MAP3K15: variants seen among roughly 807,000 people sequenced by gnomAD.
MAP3K15 encodes MAPK/ERK kinase kinase 15.
MAP3K15 carries 124 observed loss-of-function variants against 99.5 expected under a neutral mutation model. That is an observed-to-expected ratio of 1.25 (90% CI 1.08 to 1.45). The LOEUF (loss-of-function observed/expected upper bound fraction) is 1.45, where lower values mean the gene tolerates loss of function less well. Ranked by LOEUF, MAP3K15 falls within the 40% of genes most tolerant of loss-of-function variation. MAP3K15 has a pLI of 0.00. For synonymous variants in MAP3K15, 494 were observed against 439.6 expected, an observed-to-expected ratio of 1.12 and a Z score of -1.55; for missense variants, 1,242 against 1,079.7, an observed-to-expected ratio of 1.15 and a Z score of -2.11.
Position 19,369,210 on chromosome X carries a change from G to A in MAP3K15, c.3410C>T (p.Ala1137Val), listed in dbSNP as rs1346816456. Residue 1137 changes from alanine to valine, a missense_variant, in exon 25 of 29, where the codon GCC becomes GTC. Physicochemically the swap from Ala to Val is moderately conservative, Grantham distance 64. Transcript: ENST00000338883. Reference protein sequence around the residue: ...AVTILIPELRAHFEPTCETEG... With the variant: ...AVTILIPELRVHFEPTCETEG... ...AGTCTCACAGGTAGGCTCAAAGTGGGCTCGGAGCTCTGCAAATCACACAAG... is the reference window on the plus strand; with the variant it reads ...AGTCTCACAGGTAGGCTCAAAGTGGACTCGGAGCTCTGCAAATCACACAAG... 8.3e-7 allele frequency: 1 copy of A among 1,211,087 alleles called. No individual in the cohort carries two copies. Among genetic ancestry groups the A allele is most frequent in the South Asian group, 1.8e-5 (1 of 56,981 alleles).
At chrX:19,406,270 C>T (rs180823973) in intron 13 of MAP3K15, among the ~76,000 whole-genome samples, 108 of 112,445 alleles carry the variant, frequency 9.6e-4, no homozygotes, top group Admixed American at 1.9e-3. Context: ...AATACTTGCA[C>T]GTGAATGTTC....
intron 15 of MAP3K15, 140 bp from the exon 16 acceptor site, chrX:19,395,348 T>C (rs41311499): frequency 0.11 from 64,503 of 590,903 alleles, 12,526 homozygotes; most frequent in African/African-American, 0.84. Flanking sequence ...CATGAAACTA[T>C]TCAACTTCCC....
At chrX:19,393,760 C>CTTTTTTTTTTTTTTT (rs761246318) in intron 16 of MAP3K15, among the ~76,000 whole-genome samples, 4 of 60,243 alleles carry the variant, frequency 6.6e-5, no homozygotes, top group African/African-American at 2.3e-4. Context: ...CTGCCTGGCT[C>CTTTTTTTTTTTTTTT]TTTTTTTTTT....
At chrX:19,416,908 A>G (rs762153407) in intron 9 of MAP3K15, among the ~76,000 whole-genome samples, 19 of 112,091 alleles carry the variant, frequency 1.7e-4, no homozygotes, top group Admixed American at 8.5e-4. Flanking sequence ...AAAATGACAA[A>G]ATTTCAAACT....
At chrX:19,440,264 C>T (rs749228036) in intron 6 of MAP3K15, among the ~76,000 whole-genome samples, 1 of 111,958 alleles carries the variant, frequency 8.9e-6, no homozygotes, top group Non-Finnish European at 1.9e-5. Flanking sequence ...TCTTCTATCA[C>T]CTGTGTAACC....
intron 22 of MAP3K15, among the ~76,000 whole-genome samples, chrX:19,371,744 C>T (rs756211976): frequency 1.0e-3 from 115 of 111,209 alleles, no homozygotes; most frequent in Non-Finnish European, 1.9e-3. Flanking sequence ...TGAATGGCTT[C>T]CTGTTTAACC....
At chrX:19,506,583 C>T (rs764759030) in intron 1 of MAP3K15, among the ~76,000 whole-genome samples, 32 of 110,633 alleles carry the variant, frequency 2.9e-4, no homozygotes, top group Non-Finnish European at 5.7e-4. Context: ...TGCAGTAGCG[C>T]GATCTTGGCC....
chrX:19,380,021 CT>C, intron 19 of MAP3K15, 98 bp downstream of exon 19: 22 of 929,541 alleles, frequency 2.4e-5, no homozygotes, highest in Non-Finnish European at 3.0e-5. Flanking sequence ...GTTTCCTTCT[CT>C]CCTACCTTTG....
At chrX:19,508,879 G>A (rs774388337) in intron 1 of MAP3K15, among the ~76,000 whole-genome samples, 43 of 110,950 alleles carry the variant, frequency 3.9e-4, no homozygotes, top group Non-Finnish European at 6.1e-4. Context: ...GTGAGACCCT[G>A]TCTCAAAAAA....
intron 7 of MAP3K15, among the ~76,000 whole-genome samples, chrX:19,427,535 G>A (rs1242940339): frequency 9.0e-6 from 1 of 111,290 alleles, no homozygotes; most frequent in Non-Finnish European, 1.9e-5. Flanking sequence ...ATCAGGATAA[G>A]CAACAGGATA....
At chrX:19,373,815 T>C (rs1230064617) in intron 20 of MAP3K15, 120 bp from the exon 21 acceptor site, 5 of 797,604 alleles carry the variant, frequency 6.3e-6, no homozygotes, top group Non-Finnish European at 8.7e-6. Flanking sequence ...CCTGTAGAAA[T>C]GTGGGTTGGG....
At chrX:19,474,239 T>A (rs2064225389) in intron 3 of MAP3K15, among the ~76,000 whole-genome samples, 1 of 111,567 alleles carries the variant, frequency 9.0e-6, no homozygotes, top group Admixed American at 9.6e-5. Flanking sequence ...GAACAAGAAA[T>A]ACTTTATCAA....
intron 1 of MAP3K15, among the ~76,000 whole-genome samples, chrX:19,512,642 C>CTTTTTT (rs896407684): frequency 1.1e-4 from 8 of 71,252 alleles, no homozygotes; most frequent in African/African-American, 3.9e-4. Flanking sequence ...CCACATCCTG[C>CTTTTTT]TTTTTTTTTT....
At chrX:19,426,505 C>G (rs1189539070) in intron 7 of MAP3K15, among the ~76,000 whole-genome samples, 162 bp from the exon 8 acceptor site, 1 of 111,125 alleles carries the variant, frequency 9.0e-6, no homozygotes, top group Non-Finnish European at 1.9e-5. Context: ...ACATGCAGCT[C>G]TCTAGTAACT....
intron 13 of MAP3K15, among the ~76,000 whole-genome samples, chrX:19,404,447 G>A (rs2063633271): frequency 9.0e-6 from 1 of 111,687 alleles, no homozygotes; most frequent in South Asian, 3.7e-4. Flanking sequence ...GATATCCAAC[G>A]TATTCCCTGT....
intron 18 of MAP3K15, among the ~76,000 whole-genome samples, chrX:19,387,813 A>G (rs184540120): frequency 1.6e-3 from 178 of 112,685 alleles, no homozygotes; most frequent in Non-Finnish European, 2.9e-3. Flanking sequence ...GAATCCCTCA[A>G]CAGAAAGAGA....
intron 6 of MAP3K15, among the ~76,000 whole-genome samples, chrX:19,450,839 T>C (rs2064031349): frequency 9.3e-6 from 1 of 108,107 alleles, no homozygotes; most frequent in Admixed American, 9.8e-5. Context: ...AAAGATAACA[T>C]GTATTATTGG....
chrX:19,477,628 T>G (rs1418349093), intron 3 of MAP3K15, among the ~76,000 whole-genome samples: 6 of 89,052 alleles, frequency 6.7e-5, no homozygotes, highest in Non-Finnish European at 8.7e-5. Flanking sequence ...GAGAATCGCT[T>G]GAACCTGGGA....
intron 1 of MAP3K15, among the ~76,000 whole-genome samples, chrX:19,507,124 CACTT>C (rs1223137636): frequency 2.7e-5 from 3 of 111,720 alleles, no homozygotes; most frequent in African/African-American, 9.8e-5. Flanking sequence ...TAGAGGCTCT[CACTT>C]ACACAACTAA....
Sources: allele counts gnomAD v4.1 joint callset (sites outside exome capture counted in the v4.1 genomes callset), GRCh38; gene constraint gnomAD v4.1.1; transcripts MANE v1.5; gene names NCBI Gene and HGNC (gene_info 2026-07-23, HGNC 2026-07-21).